Variants in CEP83 observed in about 807,000 individuals in gnomAD.
The protein encoded by CEP83 is centrosomal protein of 83 kDa.
Under a neutral mutation model 101.9 loss-of-function variants are expected in CEP83, and 70 were observed. The observed-to-expected ratio is 0.69, with a 90% CI of 0.57 to 0.84. The LOEUF is 0.84. Ranked by LOEUF, CEP83 falls within the 40% of genes least tolerant of loss-of-function variation. The probability of loss-of-function intolerance (pLI) is 0.00; values close to 1 mark genes in which losing one functional copy is unlikely to be tolerated. For missense variants in CEP83, 715 were observed against 787.2 expected (o/e 0.91, Z 1.10); for synonymous variants, 264 against 267.9 (o/e 0.99, Z 0.14).
chr12:94,288,387 G>C, the CEP83 span, among the ~76,000 whole-genome samples: 2 of 152,104 alleles, frequency 1.3e-5, no homozygotes, highest in African/African-American at 4.8e-5. Flanking sequence ...TCAGGTCTTC[G>C]CAGTTTCCCA....
In CEP83 at chr12:94,343,235, C is replaced by T. The variant is rs78801004; in HGVS notation, c.1344-7571G>A. 8.7e-3 allele frequency among the ~76,000 whole-genome samples: 1,323 copies of T among 151,916 alleles called. 22 individuals are homozygous for T. The highest frequency in any genetic ancestry group is 0.031 in the African/African-American group (1,271 of 41,424). ...TGACTATAGTTCTATAGTCGCTGGG[C>T]ATGTGACATGTCCAGAATGCGAACT... On this transcript the variant is annotated intron_variant, in intron 11 of 16. Coordinates refer to ENST00000397809, the MANE Select transcript of CEP83 (RefSeq NM_016122.3).
At chr12:94,439,262 C>A (rs550667038) in intron 1 of CEP83, among the ~76,000 whole-genome samples, 9 of 152,140 alleles carry the variant, frequency 5.9e-5, no homozygotes, top group African/African-American at 2.2e-4. Flanking sequence ...TTTGAAAAGA[C>A]AAAATCGACA....
At chr12:94,306,453 G>A (rs1593038217), downstream of CEP83, 1 of 152,096 alleles carries the variant, frequency 6.6e-6, no homozygotes, top group African/African-American at 2.4e-5. Context: ...CAGTTATACT[G>A]TAGTCTTTTT....
intron 2 of CEP83, among the ~76,000 whole-genome samples, chr12:94,432,053 TTTTTC>T (rs2065667011): frequency 6.7e-6 from 1 of 150,312 alleles, no homozygotes; most frequent in Admixed American, 6.6e-5. Flanking sequence ...ATGGATTAAC[TTTTTC>T]TTTTTTTTTT....
At chr12:94,407,355 AAGAG>A (rs916368162) in intron 4 of CEP83, among the ~76,000 whole-genome samples, 5 of 152,222 alleles carry the variant, frequency 3.3e-5, no homozygotes, top group African/African-American at 1.2e-4. Flanking sequence ...ACCAGCAATA[AAGAG>A]AACAGCAGCC....
intron 7 of CEP83, among the ~76,000 whole-genome samples, chr12:94,376,292 C>A (rs2061530963): frequency 6.6e-6 from 1 of 152,094 alleles, no homozygotes; most frequent in Admixed American, 6.6e-5. Flanking sequence ...ACAGAAAGTA[C>A]CTAAGGCATT....
At chr12:94,309,562 C>CG (rs1969514579) in intron 16 of CEP83, among the ~76,000 whole-genome samples, 1 of 152,164 alleles carries the variant, frequency 6.6e-6, no homozygotes, top group African/African-American at 2.4e-5. Context: ...TTGCACGGAA[C>CG]ATGCACAGTT....
intron 14 of CEP83, among the ~76,000 whole-genome samples, chr12:94,331,377 T>C (rs1220565494): frequency 7.8e-6 from 1 of 128,930 alleles, no homozygotes; most frequent in African/African-American, 2.9e-5. Context: ...TTTTTTTTTT[T>C]TTTTTTTGCG....
At chr12:94,385,170 C>A (rs917779245) in intron 6 of CEP83, among the ~76,000 whole-genome samples, 1 of 152,124 alleles carries the variant, frequency 6.6e-6, no homozygotes, top group South Asian at 2.1e-4. Flanking sequence ...CCATAATGAA[C>A]AGGGGTGGGA....
chr12:94,311,008 T>C (rs1365437574), intron 15 of CEP83, among the ~76,000 whole-genome samples: 1 of 152,098 alleles, frequency 6.6e-6, no homozygotes, highest in Non-Finnish European at 1.5e-5. Flanking sequence ...GAGGCATGAT[T>C]AGAGGGTTGG....
At chr12:94,325,025 C>T (rs924923158) in intron 14 of CEP83, among the ~76,000 whole-genome samples, 2 of 152,150 alleles carry the variant, frequency 1.3e-5, no homozygotes, top group Non-Finnish European at 2.9e-5. Flanking sequence ...CTTGTACTTG[C>T]TATTCCCTCT....
chr12:94,430,151 C>T (rs73370391), intron 2 of CEP83, among the ~76,000 whole-genome samples: 4,340 of 152,184 alleles, frequency 0.029, 199 homozygotes, highest in African/African-American at 0.095. Context: ...CCACCATTGG[C>T]AACTAAGGAC....
intron 2 of CEP83, chr12:94,423,800 CTTGG>C: frequency 6.2e-7 from 1 of 1,613,768 alleles, no homozygotes; most frequent in Non-Finnish European, 8.5e-7. Context: ...TCCACTGCCA[CTTGG>C]TTCTGTTGGC....
At chr12:94,439,823 T>C (rs1220194111) in intron 1 of CEP83, among the ~76,000 whole-genome samples, 3 of 152,100 alleles carry the variant, frequency 2.0e-5, no homozygotes, top group African/African-American at 4.8e-5. Context: ...TCCAACAGCA[T>C]GTCAAAAAGA....
At chr12:94,277,696 C>A in the CEP83 span, 34 of 335,898 alleles carry the variant, frequency 1.0e-4, no homozygotes, top group African/African-American at 6.9e-4. Context: ...GAGTGGGCGT[C>A]CTAGCTGTCC....
chr12:94,325,919 T>C (rs2058955669), intron 14 of CEP83, among the ~76,000 whole-genome samples: 1 of 152,154 alleles, frequency 6.6e-6, no homozygotes, highest in Non-Finnish European at 1.5e-5. Context: ...ACCTATGGAA[T>C]TGTATAAGTG....
At chr12:94,347,402 AAGTGTC>A (rs1203181556) in intron 11 of CEP83, among the ~76,000 whole-genome samples, 1 of 152,170 alleles carries the variant, frequency 6.6e-6, no homozygotes, top group Non-Finnish European at 1.5e-5. Context: ...TGAAAATAAC[AAGTGTC>A]AGTAGGGATG....
At chr12:94,307,479 A>T (rs1414417903), downstream of CEP83, 3 of 152,140 alleles carry the variant, frequency 2.0e-5, no homozygotes, top group African/African-American at 7.2e-5. Context: ...TTCTTTGCAT[A>T]TTTTTTTGGT....
At chr12:94,410,638 T>C (rs1006275157) in intron 4 of CEP83, among the ~76,000 whole-genome samples, 3 of 152,180 alleles carry the variant, frequency 2.0e-5, no homozygotes, top group African/African-American at 7.2e-5. Flanking sequence ...ATCTCTCAAA[T>C]ATCTTGGGTT....
Sources: gnomAD v4.1 joint callset for allele counts (sites outside exome capture counted in the v4.1 genomes callset) on GRCh38, gnomAD v4.1.1 for gene constraint, MANE v1.5 for transcripts, NCBI Gene and HGNC (gene_info 2026-07-23, HGNC 2026-07-21) for gene names.